The following MYH1 variants were observed in gnomAD, a reference collection of about 807,000 sequenced individuals.
MYH1 encodes myosin-1.
Under a neutral mutation model 225.6 loss-of-function variants are expected in MYH1, and 214 were observed. The observed-to-expected ratio is 0.95, with a 90% CI of 0.85 to 1.06. The LOEUF (loss-of-function observed/expected upper bound fraction) is 1.06, where lower values mean the gene tolerates loss of function less well. Ranked by LOEUF, MYH1 falls within the 50% of genes least tolerant of loss-of-function variation. The pLI is 0.00. For synonymous variants in MYH1, 774 were observed against 842.3 expected (o/e 0.92, Z 1.40); for missense variants, 2,098 against 2,344.2 (o/e 0.89, Z 2.17).
rs367578968 is a variant in MYH1, at chr17:10,499,110, C to T, written c.3866-18G>A. ...ATATTCACCTGTAAAAGACCAAGTC[C>T]AGAAAACTCAACCTTACTTTGGAAA... is the stretch of plus-strand genomic sequence containing the variant. On this transcript the variant is annotated intron_variant, in intron 28 of 39. Transcript: ENST00000226207. 1.0e-5 allele frequency: 16 copies of T among 1,582,786 alleles called. No homozygotes were observed. Among genetic ancestry groups the T allele is most frequent in the Non-Finnish European group, 1.3e-5 (15 of 1,154,478 alleles).
At chr17:10,502,202 A>G (rs1233698887) in intron 24 of MYH1, among the ~76,000 whole-genome samples, 1 of 152,196 alleles carries the variant, frequency 6.6e-6, no homozygotes, top group Non-Finnish European at 1.5e-5. Context: ...ACACCATGCT[A>G]ATACTTCCAA....
At chr17:10,500,360 C>A (rs1370952331) in intron 28 of MYH1, among the ~76,000 whole-genome samples, 1 of 149,872 alleles carries the variant, frequency 6.7e-6, no homozygotes, top group African/African-American at 2.5e-5. Context: ...CTCTCTCTCT[C>A]TTTATATATA....
At chr17:10,510,440 G>T (rs1244631868) in intron 14 of MYH1, among the ~76,000 whole-genome samples, 1 of 152,188 alleles carries the variant, frequency 6.6e-6, no homozygotes, top group African/African-American at 2.4e-5. Flanking sequence ...CTATTAGGGA[G>T]GCTAAGTAAC....
At chr17:10,507,652 G>A (rs537086704) in intron 17 of MYH1, among the ~76,000 whole-genome samples, 5 of 152,020 alleles carry the variant, frequency 3.3e-5, no homozygotes, top group Non-Finnish European at 5.9e-5. Flanking sequence ...TCTGCAATTC[G>A]CTTTCATCTC....
chr17:10,505,208 C>T lies in MYH1; in HGVS notation c.2390G>A (p.Arg797Lys), dbSNP rs1329951474. The change falls in exon 21 of 40, where the codon AGA becomes AAA. Residue 797 changes from arginine (R) to lysine (K), a missense_variant. Arg to Lys is a conservative substitution (Grantham distance 26). Coordinates refer to ENST00000226207, the MANE Select transcript of MYH1 (RefSeq NM_005963.4). ...QLITRTQAMC[R>K]GFLARVEYQK... is the part of the protein sequence containing the mutation. ...GTACTCCACTCTTGCCAAGAACCCTCTGCACATGGCCTGGGTTCGGGTAAT... is the reference window on the plus strand; with the variant it reads ...GTACTCCACTCTTGCCAAGAACCCTTTGCACATGGCCTGGGTTCGGGTAAT... 6.2e-7 allele frequency: 1 copy of T among 1,614,254 alleles called. No homozygotes were observed. The highest frequency in any genetic ancestry group is 1.3e-5 in the African/African-American group (1 of 75,066).
chr17:10,498,599 T>G (rs778948607), intron 30 of MYH1, 27 bp downstream of exon 30: 2 of 1,613,860 alleles, frequency 1.2e-6, no homozygotes, highest in Non-Finnish European at 1.7e-6. Flanking sequence ...AACTTATAGT[T>G]CCATTTTAAC....
rs79932088 is a variant in MYH1, at chr17:10,500,479, T to C, written c.3865+147A>G. ...ATATATATGAAAGAAAGCAACCTCA[T>C]GCCAGTGGTCAATAATGTGTTCATA... On this transcript the variant is annotated intron_variant, in intron 28 of 39. Transcript: ENST00000226207. The C allele has an allele frequency of 2.2e-3, 2,581 of 1,152,364 alleles. 64 individuals are homozygous for C. In the African/African-American group the frequency reaches 0.036, roughly 16 times the overall value. 71.4% of individuals were successfully genotyped at this position (1,152,364 alleles called of 1,614,324 possible). A position where few individuals can be genotyped will look rare whatever the true frequency, so the allele number is the denominator to read the frequency against.
chr17:10,507,993 T>C (rs1241638913), intron 16 of MYH1, 37 bp from the exon 17 acceptor site: 2 of 1,517,764 alleles, frequency 1.3e-6, no homozygotes, highest in South Asian at 1.2e-5. Flanking sequence ...GGACAGCCTT[T>C]CTCTGGTTAT....
Position 10,511,933 on chromosome 17 carries a change from C to T in MYH1, c.1322G>A (p.Trp441Ter). ...CTGCTGGTTGATGCGGGTGACCATC[C>T]ACAAGAACATCTTATCGTAGACAGC... is the stretch of plus-strand genomic sequence containing the variant. ...AKAVYDKMFL[W>*]MVTRINQQLD... Residue 441 changes from tryptophan (W) to a stop codon, truncating the protein, a stop_gained, in exon 14 of 40, where the codon TGG becomes TAG. Coordinates refer to ENST00000226207, the MANE Select transcript of MYH1 (RefSeq NM_005963.4). LOFTEE classifies it high-confidence loss of function. 1.2e-6 allele frequency: 2 copies of T among 1,614,202 alleles called. No homozygotes were observed. The highest frequency in any genetic ancestry group is 1.7e-6 in the Non-Finnish European group (2 of 1,180,034).
rs756564704 is a variant in MYH1, at chr17:10,508,378, T to C, written c.1882A>G (p.Thr628Ala). Reference sequence around the variant, plus strand: ...TGATAATTACCTGCTTCCGCTCCCGTTGCCCCAACAAAGAGGAGAGCCAGA... The same window carrying C: ...TGATAATTACCTGCTTCCGCTCCCGCTGCCCCAACAAAGAGGAGAGCCAGA... Reference protein sequence around the residue: ...KTLALLFVGATGAEAEAGGGK... With the variant: ...KTLALLFVGAAGAEAEAGGGK... The change falls in exon 16 of 40, where the codon ACG becomes GCG. Residue 628 changes from threonine (T) to alanine (A), a missense_variant. Coordinates refer to ENST00000226207, the MANE Select transcript of MYH1 (RefSeq NM_005963.4). 1 of 1,603,782 alleles carries C rather than the reference T, an allele frequency of 6.2e-7. No homozygotes were observed. Among genetic ancestry groups the C allele is most frequent in the Non-Finnish European group, 8.5e-7 (1 of 1,175,066 alleles).
intron 39 of MYH1, 146 bp from the exon 40 acceptor site, chr17:10,492,714 A>ATT (rs71139047): frequency 2.5e-4 from 217 of 855,204 alleles, no homozygotes; most frequent in East Asian, 1.9e-3. Context: ...TTGAATTTTT[A>ATT]TTTTTTTTTA....
In MYH1 at chr17:10,494,653, T is replaced by C. The variant is rs149879944; in HGVS notation, c.5487A>G (p.Glu1829=). 1.2e-3 allele frequency: 1,903 copies of C among 1,614,034 alleles called. 2 individuals carry two copies. The highest frequency in any genetic ancestry group is 1.5e-3 in the Non-Finnish European group (1,770 of 1,180,006). The change falls in exon 38 of 40, where the codon GAA becomes GAG. Residue 1829 remains glutamate, a synonymous_variant. Coordinates refer to ENST00000226207, the MANE Select transcript of MYH1 (RefSeq NM_005963.4). ...LEARVRELEG[E]VESEQKRNVE... ...CATTGCGCTTCTGTTCACTTTCAAC[T>C]TCACCTTCAAGTTCACGAACCTACA...
Position 10,503,089 on chromosome 17 carries a change from A to G in MYH1, c.2851T>C (p.Cys951Arg), listed in dbSNP as rs748120241. ...TCAATGTCTTTCTTGAGTTCTGAAC[A>G]TTCATCCTCCAGTTTCCTCTTCTTG... ...TAKKRKLEDE[C>R]SELKKDIDDL... The change falls in exon 23 of 40, where the codon TGT (cysteine) becomes CGT (arginine). Residue 951 changes from cysteine (C) to arginine (R), a missense_variant. Physicochemically the swap from Cys to Arg is radical, Grantham distance 180. Coordinates refer to ENST00000226207, the MANE Select transcript of MYH1 (RefSeq NM_005963.4). 3 of 1,612,488 alleles carry G rather than the reference A, an allele frequency of 1.9e-6. No individual in the cohort carries two copies. In the African/African-American group the frequency reaches 4.0e-5, roughly 22 times the overall value.
rs749915275 is a variant in MYH1, at chr17:10,512,728, T to A, written c.961A>T (p.Ile321Phe). 3.1e-6 allele frequency: 5 copies of A among 1,613,806 alleles called. No homozygotes were observed. In the African/African-American group the frequency reaches 5.3e-5, roughly 17 times the overall value. The change falls in exon 11 of 40, where the codon ATC becomes TTC. Residue 321 changes from isoleucine (I) to phenylalanine (F), a missense_variant. Ile to Phe is a conservative substitution (Grantham distance 21). Coordinates refer to ENST00000226207, the MANE Select transcript of MYH1 (RefSeq NM_005963.4). ...TGGTCATCAATGCTGGGCACTGTGA[T>A]CTCCCCTTGACTGACGAAGGCATAA... ...YDYAFVSQGEITVPSIDDQEE... is the reference protein window; with the variant it reads ...YDYAFVSQGEFTVPSIDDQEE...
Position 10,504,940 on chromosome 17 carries a change from G to A in MYH1, c.2561C>T (p.Ala854Val), listed in dbSNP as rs761774573. 2 of 1,613,984 alleles carry A rather than the reference G, an allele frequency of 1.2e-6. No homozygotes were observed. The highest frequency in any genetic ancestry group is 1.7e-5 in the Admixed American group (1 of 59,998). The change falls in exon 22 of 40, where the codon GCC (alanine) becomes GTC (valine). Residue 854 changes from alanine to valine, a missense_variant. Physicochemically the swap from Ala to Val is moderately conservative, Grantham distance 64 (BLOSUM62 0). Coordinates refer to ENST00000226207, the MANE Select transcript of MYH1 (RefSeq NM_005963.4). ...LKSAETEKEM[A>V]NMKEEFEKTK... ...TTTCTCAAATTCTTCCTTCATGTTG[G>A]CCATCTCCTTCTCTGTCTCTGCACT...
Position 10,497,738 on chromosome 17 carries a change from T to C in MYH1, c.4361A>G (p.Asp1454Gly), listed in dbSNP as rs1166663666. 6.2e-7 allele frequency: 1 copy of C among 1,613,724 alleles called. No individual in the cohort carries two copies. Among genetic ancestry groups the C allele is most frequent in the Admixed American group, 1.7e-5 (1 of 59,880 alleles). ...AALDKKQRNF[D>G]KILAEWKQKC... ...AGCAAAAACTGGAGAGAATACCTTA[T>C]CAAAGTTCCTTTGCTTTTTGTCCAG... The change falls in exon 31 of 40, where the codon GAT becomes GGT. Residue 1454 changes from aspartate to glycine, a missense_variant. Coordinates refer to ENST00000226207, the MANE Select transcript of MYH1 (RefSeq NM_005963.4).
rs2073014447 is a variant in MYH1, at chr17:10,498,017, C to G, written c.4182-100G>C. On this transcript the variant is annotated intron_variant, in intron 30 of 39. Coordinates refer to ENST00000226207, the MANE Select transcript of MYH1 (RefSeq NM_005963.4). The stretch of plus-strand genomic sequence containing the variant: ...ATTCCACAATCAGACTTCTTTAATA[C>G]TTTGCTTCTCAAGCTTGTTTTGTAG... 5.1e-6 allele frequency: 6 copies of G among 1,168,176 alleles called. No individual in the cohort carries two copies. The South Asian group carries it at 1.0e-4, about 19-fold the overall frequency. 72.4% of individuals were successfully genotyped at this position (1,168,176 alleles called of 1,614,324 possible). A position where few individuals can be genotyped will look rare whatever the true frequency, so the allele number is the denominator to read the frequency against.
rs761053702 is a variant in MYH1 at position 10,501,080 on chromosome 17, C to A, written c.3738+30G>T. 6 of 1,606,244 alleles carry A rather than the reference C, an allele frequency of 3.7e-6. 1 individual carries two copies. The South Asian group carries it at 6.6e-5, about 18-fold the overall frequency. The stretch of plus-strand genomic sequence containing the variant: ...TGTGCTAAAGGGAAAAACAAAAAAC[C>A]AAATAATCAATGTGAAGTGTTGATT... On this transcript the variant is annotated intron_variant, in intron 27 of 39. Transcript: ENST00000226207.
chr17:10,496,671 T>A, intron 33 of MYH1, 122 bp from the exon 34 acceptor site: 1 of 1,459,160 alleles, frequency 6.9e-7, no homozygotes, highest in Non-Finnish European at 9.3e-7. Flanking sequence ...GTAGTAAGAT[T>A]TAAACAAGAG....
Sources: allele counts gnomAD v4.1 joint callset (sites outside exome capture counted in the v4.1 genomes callset), GRCh38; gene constraint gnomAD v4.1.1; transcripts MANE v1.5; gene names NCBI Gene and HGNC (gene_info 2026-07-23, HGNC 2026-07-21).